GFRA1: variants seen among roughly 807,000 people sequenced by gnomAD.
GFRA1 encodes the protein GDNF family receptor alpha-1.
GFRA1 carries 16 observed loss-of-function variants against 51.6 expected under a neutral mutation model. The observed-to-expected ratio is 0.31, with a 90% CI of 0.21 to 0.47. The LOEUF is 0.47. Among genes scored for constraint, GFRA1 ranks in the 20% least tolerant of loss-of-function variants. The pLI is 1.00. For synonymous variants in GFRA1, 270 were observed against 241.3 expected (o/e 1.12, Z -1.10); for missense variants, 530 against 594.3 (o/e 0.89, Z 1.13).
intron 4 of GFRA1, among the ~76,000 whole-genome samples, chr10:116,257,990 C>A (rs1589918189): frequency 1.3e-5 from 2 of 152,292 alleles, no homozygotes; most frequent in Middle Eastern, 6.8e-3. Flanking sequence ...CCTATCCATT[C>A]CACAAAAGCC....
rs11813020 is a variant in GFRA1, at chr10:116,177,583, G to T, written c.433+34048C>A. Among the ~76,000 whole-genome samples, 667 of 152,272 alleles carry T rather than the reference G, an allele frequency of 4.4e-3. 4 individuals carry two copies. The highest frequency in any genetic ancestry group is 0.016 in the African/African-American group (644 of 41,542). On this transcript the variant is annotated intron_variant, in intron 5 of 10. Coordinates refer to ENST00000355422, the MANE Select transcript of GFRA1 (RefSeq NM_005264.8). The stretch of plus-strand genomic sequence containing the variant: ...GGTAACTGAAACCCTGGGAGCAGAT[G>T]AGAGTATGAAGAATGGGGAAAGGAG...
intron 6 of GFRA1, among the ~76,000 whole-genome samples, chr10:116,117,656 G>T (rs936773774): frequency 6.6e-6 from 1 of 152,202 alleles, no homozygotes; most frequent in African/African-American, 2.4e-5. Context: ...TGGATGGATA[G>T]ATGGTGGGAT....
At chr10:116,080,113 T>C (rs1320648058) in intron 9 of GFRA1, among the ~76,000 whole-genome samples, 4 of 152,266 alleles carry the variant, frequency 2.6e-5, no homozygotes, top group Middle Eastern at 6.8e-3. Context: ...TGATATCCAA[T>C]TGCTGGGCCG....
intron 9 of GFRA1, among the ~76,000 whole-genome samples, chr10:116,076,039 G>A (rs1274825879): frequency 2.0e-5 from 3 of 151,984 alleles, no homozygotes; most frequent in Non-Finnish European, 2.9e-5. Flanking sequence ...CACCGTGCCC[G>A]GCCAAGCTCT....
At chr10:116,087,715 G>C (rs900649070) in intron 9 of GFRA1, among the ~76,000 whole-genome samples, 1 of 152,116 alleles carries the variant, frequency 6.6e-6, no homozygotes, top group Admixed American at 6.5e-5. Context: ...ACCAGAATCT[G>C]AATGGGCCCA....
At chr10:116,182,341 T>C (rs893602336) in intron 5 of GFRA1, among the ~76,000 whole-genome samples, 1 of 152,198 alleles carries the variant, frequency 6.6e-6, no homozygotes, top group African/African-American at 2.4e-5. Flanking sequence ...AAAGAAAACA[T>C]GTATTGCATA....
chr10:116,250,879 C>T (rs1485168945), intron 4 of GFRA1, among the ~76,000 whole-genome samples: 1 of 152,214 alleles, frequency 6.6e-6, no homozygotes, highest in Non-Finnish European at 1.5e-5. Flanking sequence ...GACCAGGCTC[C>T]CACCTTACTA....
chr10:116,178,886 C>G (rs896031790), intron 5 of GFRA1, among the ~76,000 whole-genome samples: 1 of 152,154 alleles, frequency 6.6e-6, no homozygotes, highest in Non-Finnish European at 1.5e-5. Context: ...CTCAGTCGGT[C>G]CTCTGAAGGT....
intron 5 of GFRA1, among the ~76,000 whole-genome samples, chr10:116,189,300 A>G (rs978776056): frequency 3.3e-5 from 5 of 152,160 alleles, no homozygotes; most frequent in African/African-American, 7.2e-5. Context: ...CATCCAAATC[A>G]TAACTCCAGA....
At chr10:116,139,496 G>A (rs762092561) in intron 5 of GFRA1, among the ~76,000 whole-genome samples, 1 of 152,184 alleles carries the variant, frequency 6.6e-6, no homozygotes, top group Non-Finnish European at 1.5e-5. Context: ...TGTGAGAAAC[G>A]CTTGCTTGAA....
At chr10:116,117,929 G>C (rs539595240) in intron 6 of GFRA1, among the ~76,000 whole-genome samples, 45 of 152,048 alleles carry the variant, frequency 3.0e-4, no homozygotes, top group Admixed American at 2.5e-3. Flanking sequence ...AAGGCCCTTT[G>C]CTGGGTTCTC....
chr10:116,264,229 C>A (rs1969491995), intron 4 of GFRA1, among the ~76,000 whole-genome samples: 1 of 152,166 alleles, frequency 6.6e-6, no homozygotes, highest in Admixed American at 6.5e-5. Context: ...CTGGCTCCCC[C>A]TACACCAGTG....
At chr10:116,257,464 G>A (rs1333411429) in intron 4 of GFRA1, among the ~76,000 whole-genome samples, 3 of 152,124 alleles carry the variant, frequency 2.0e-5, no homozygotes, top group South Asian at 4.1e-4. Flanking sequence ...GGTGCAACTG[G>A]AAGGGAGGAG....
At position 116,204,788 on chromosome 10, in the gene GFRA1, G is replaced by C. The variant is rs763372856; in HGVS notation, c.433+6843C>G. Among the ~76,000 whole-genome samples the C allele has an allele frequency of 5.3e-5, 8 of 152,148 alleles. 1 individual carries two copies. The highest frequency in any genetic ancestry group is 2.0e-4 in the Admixed American group (3 of 15,276). On this transcript the variant is annotated intron_variant, in intron 5 of 10. Transcript: ENST00000355422. ...AGTTATTGAATAAATACATACATGA[G>C]GGATAAGTGGCAAGTCTCCAGTGCA...
chr10:116,260,442 T>G (rs1969215646), intron 4 of GFRA1, among the ~76,000 whole-genome samples: 1 of 152,234 alleles, frequency 6.6e-6, no homozygotes. Flanking sequence ...GAGCTTGTAT[T>G]TAGAAACAAT....
chr10:116,179,031 G>A (rs992975942), intron 5 of GFRA1, among the ~76,000 whole-genome samples: 10 of 152,118 alleles, frequency 6.6e-5, no homozygotes, highest in African/African-American at 1.2e-4. Flanking sequence ...TGGTGCGCAC[G>A]GTGTATGTTC....
chr10:116,260,173 G>C (rs1310290776), intron 4 of GFRA1, among the ~76,000 whole-genome samples: 1 of 152,182 alleles, frequency 6.6e-6, no homozygotes, highest in East Asian at 1.9e-4. Context: ...TAATTTAGTA[G>C]GAGTAAATTG....
chr10:116,245,291 T>C (rs144944606), intron 4 of GFRA1, among the ~76,000 whole-genome samples: 137 of 152,212 alleles, frequency 9.0e-4, no homozygotes, highest in African/African-American at 2.0e-3. Context: ...CCAAAGAAGA[T>C]ACACAGATGG....
At chr10:116,268,477 A>G (rs1969845039) in intron 4 of GFRA1, among the ~76,000 whole-genome samples, 1 of 152,242 alleles carries the variant, frequency 6.6e-6, no homozygotes, top group South Asian at 2.1e-4. Context: ...GCTAGAACAC[A>G]GTAGGTGCTC....
Sources: gnomAD v4.1 joint callset for allele counts (sites outside exome capture counted in the v4.1 genomes callset) on GRCh38, gnomAD v4.1.1 for gene constraint, MANE v1.5 for transcripts, NCBI Gene and HGNC (gene_info 2026-07-23, HGNC 2026-07-21) for gene names.